The following RIMS2 variants were observed in gnomAD, a reference collection of about 807,000 sequenced individuals.
RIMS2 encodes regulating synaptic membrane exocytosis protein 2.
A neutral mutation model predicts 174.4 loss-of-function variants in RIMS2; 59 were observed. That is an observed-to-expected ratio of 0.34 (90% confidence interval 0.27 to 0.42). The LOEUF (loss-of-function observed/expected upper bound fraction) is 0.42. Ranked by LOEUF, RIMS2 falls within the 10% of genes least tolerant of loss-of-function variation. The pLI is 1.00. For missense variants in RIMS2, 1,620 were observed against 1,666.3 expected, an observed-to-expected ratio of 0.97 and a Z score of 0.48; for synonymous variants, 606 against 572.5, an observed-to-expected ratio of 1.06 and a Z score of -0.84.
intron 1 of RIMS2, among the ~76,000 whole-genome samples, chr8:103,671,084 C>G (rs996989179): frequency 1.2e-4 from 18 of 152,184 alleles, no homozygotes; most frequent in African/African-American, 4.3e-4. Context: ...AAAGGCACGT[C>G]TTACATGGTG....
intron 15 of RIMS2, 45 bp downstream of exon 17, chr8:103,961,178 A>G: frequency 7.2e-6 from 6 of 837,232 alleles, no homozygotes; most frequent in South Asian, 4.2e-5. Context: ...AGGGAGTGCA[A>G]TTCATCATCA....
chr8:104,232,754 T>C (rs77008555), intron 19 of RIMS2, among the ~76,000 whole-genome samples: 1,786 of 152,294 alleles, frequency 0.012, 35 homozygotes, highest in African/African-American at 0.041. Context: ...TTTGCTTTAT[T>C]AGCTTCAGAT....
chr8:103,987,163 A>AT (rs968173072), intron 16 of RIMS2, among the ~76,000 whole-genome samples: 44 of 149,058 alleles, frequency 3.0e-4, no homozygotes, highest in Admixed American at 2.2e-3. Context: ...TTCCTTTTTC[A>AT]TTTTTTTTTT....
intron 19 of RIMS2, among the ~76,000 whole-genome samples, chr8:104,211,234 A>G (rs1317015081): frequency 6.6e-6 from 1 of 152,182 alleles, no homozygotes; most frequent in Non-Finnish European, 1.5e-5. Flanking sequence ...AGACATTTAT[A>G]AATATACCTT....
At chr8:104,175,267 T>G (rs896590513) in intron 19 of RIMS2, among the ~76,000 whole-genome samples, 1 of 149,026 alleles carries the variant, frequency 6.7e-6, no homozygotes, top group Non-Finnish European at 1.5e-5. Context: ...ATCTTTACTT[T>G]CTTTCTTTTT....
rs141539625 is a variant in RIMS2 at position 103,956,781 on chromosome 8, C to A, written c.2702-4284C>A. Among the ~76,000 whole-genome samples the A allele has an allele frequency of 8.7e-4, 132 of 152,260 alleles. 1 individual carries two copies. The East Asian group carries it at 0.024, about 27-fold the overall frequency. On this transcript the variant is annotated intron_variant, in intron 14 of 23. Transcript: ENST00000504942. ...CTGACTAAACTAAAGGGCTTCTGCA[C>A]AGCAAAAGAAGCTATCATCAGAGTG...
At chr8:104,193,195 T>A (rs563084359) in intron 19 of RIMS2, among the ~76,000 whole-genome samples, 11 of 152,160 alleles carry the variant, frequency 7.2e-5, no homozygotes, top group Non-Finnish European at 1.3e-4. Context: ...TTGTTTTATA[T>A]AACTCATAAA....
intron 1 of RIMS2, among the ~76,000 whole-genome samples, chr8:103,617,013 A>G (rs546149824): frequency 6.6e-6 from 1 of 152,332 alleles, no homozygotes; most frequent in South Asian, 2.1e-4. Flanking sequence ...ACAAACTAGA[A>G]AAATCTATTT....
chr8:103,709,771 T>C (rs565785340), intron 2 of RIMS2, among the ~76,000 whole-genome samples: 2 of 152,296 alleles, frequency 1.3e-5, no homozygotes, highest in Non-Finnish European at 2.9e-5. Context: ...TGGAGTTCTC[T>C]TGGGTTCTGT....
At chr8:104,205,526 T>A (rs2099075806) in intron 19 of RIMS2, among the ~76,000 whole-genome samples, 1 of 149,706 alleles carries the variant, frequency 6.7e-6, no homozygotes, top group African/African-American at 2.5e-5. Context: ...CACATACATG[T>A]GCACCTACCT....
intron 3 of RIMS2, among the ~76,000 whole-genome samples, chr8:103,850,393 C>T (rs1286874287): frequency 6.6e-6 from 1 of 151,852 alleles, no homozygotes; most frequent in African/African-American, 2.4e-5. Flanking sequence ...ATTCTTACTC[C>T]ATCATGATCA....
chr8:103,521,042 A>G (rs897155806), intron 1 of RIMS2, among the ~76,000 whole-genome samples: 1 of 150,902 alleles, frequency 6.6e-6, no homozygotes, highest in African/African-American at 2.4e-5. Flanking sequence ...TCCGTGGTGT[A>G]CCAAACACTG....
At chr8:104,148,586 T>C (rs895402700) in intron 19 of RIMS2, 21 bp from the exon 25 acceptor site, 13 of 1,588,852 alleles carry the variant, frequency 8.2e-6, no homozygotes, top group Non-Finnish European at 1.1e-5. Flanking sequence ...TCCTCACTTT[T>C]AATGATCCAT....
intron 19 of RIMS2, among the ~76,000 whole-genome samples, chr8:104,136,950 TA>T (rs552363299): frequency 1.3e-5 from 2 of 152,070 alleles, no homozygotes; most frequent in South Asian, 2.1e-4. Flanking sequence ...ATTTAAAAGT[TA>T]AAAAAAATTC....
At chr8:103,631,496 G>C (rs2135215716) in intron 1 of RIMS2, among the ~76,000 whole-genome samples, 1 of 152,308 alleles carries the variant, frequency 6.6e-6, no homozygotes, top group South Asian at 2.1e-4. Flanking sequence ...CTATGTGCTA[G>C]TTTTTGTACC....
chr8:103,729,040 T>G (rs1462751582), intron 2 of RIMS2, among the ~76,000 whole-genome samples: 1 of 152,056 alleles, frequency 6.6e-6, no homozygotes, highest in Non-Finnish European at 1.5e-5. Context: ...AGTTTTTTTG[T>G]TTTTCACTGT....
chr8:103,963,165 C>A (rs1430015113), intron 15 of RIMS2, among the ~76,000 whole-genome samples: 1 of 151,938 alleles, frequency 6.6e-6, no homozygotes, highest in Non-Finnish European at 1.5e-5. Context: ...AATAGCTTAT[C>A]AAATAATTTA....
At chr8:104,106,311 T>A (rs2131425097) in intron 19 of RIMS2, among the ~76,000 whole-genome samples, 1 of 152,138 alleles carries the variant, frequency 6.6e-6, no homozygotes, top group East Asian at 1.9e-4. Flanking sequence ...GTAACTTCTA[T>A]TTATTTGTAT....
At chr8:103,796,774 CAAAG>C (rs1186680744) in intron 3 of RIMS2, among the ~76,000 whole-genome samples, 2 of 152,064 alleles carry the variant, frequency 1.3e-5, no homozygotes, top group Non-Finnish European at 2.9e-5. Flanking sequence ...TTGGGAAAGA[CAAAG>C]AAATAAGAAA....
Sources: allele counts gnomAD v4.1 joint callset (sites outside exome capture counted in the v4.1 genomes callset), GRCh38; gene constraint gnomAD v4.1.1; transcripts MANE v1.5; gene names NCBI Gene and HGNC (gene_info 2026-07-23, HGNC 2026-07-21).